The following ZFP64 variants were observed in gnomAD, a reference collection of about 807,000 sequenced individuals.
ZFP64 encodes the protein ZFP64 zinc finger protein.
ZFP64 carries 14 observed loss-of-function variants against 51.6 expected under a neutral mutation model. The observed-to-expected ratio is 0.27, with a 90% CI of 0.18 to 0.42. ZFP64 has a LOEUF of 0.42. ZFP64 is among the 10% of genes least tolerant of loss of function. The pLI is 1.00. For missense variants in ZFP64, 754 were observed against 906.8 expected, an observed-to-expected ratio of 0.83 and a Z score of 2.16; for synonymous variants, 375 against 361.4, an observed-to-expected ratio of 1.04 and a Z score of -0.43.
Position 52,183,751 on chromosome 20 carries a change from A to T in ZFP64, c.286+3081T>A, listed in dbSNP as rs558772226. Among the ~76,000 whole-genome samples, 5 of 152,340 alleles carry T rather than the reference A, an allele frequency of 3.3e-5. No homozygotes were observed. The South Asian group carries it at 1.0e-3, about 32-fold the overall frequency. On this transcript the variant is annotated intron_variant, in intron 2 of 5. Transcript: ENST00000216923. The stretch of plus-strand genomic sequence containing the variant: ...GTCTACTGTTTAAAAAACTCAGTAG[A>T]AACATTATTTTGGATGCATTAAGAA...
At chr20:52,092,988 T>C (rs1288448529) in intron 7 of ZFP64, among the ~76,000 whole-genome samples, 1 of 152,208 alleles carries the variant, frequency 6.6e-6, no homozygotes, top group Non-Finnish European at 1.5e-5. Flanking sequence ...TATGCTTCCC[T>C]GTCCCAATAG....
intron 1 of ZFP64, among the ~76,000 whole-genome samples, chr20:52,188,322 T>TC (rs1984123738): frequency 7.0e-6 from 1 of 142,364 alleles, no homozygotes; most frequent in African/African-American, 2.6e-5. Flanking sequence ...TTTTTTTTTT[T>TC]TTTTTTTTTT....
chr20:52,187,774 C>G (rs1049751891), intron 1 of ZFP64, among the ~76,000 whole-genome samples: 1 of 151,972 alleles, frequency 6.6e-6, no homozygotes, highest in Admixed American at 6.6e-5. Context: ...TGCATTGTTA[C>G]CCATGGGGCA....
chr20:52,152,732 C>A lies in ZFP64; in HGVS notation c.1460G>T (p.Ser487Ile). Residue 487 changes from serine to isoleucine, a missense_variant, in exon 6 of 6, where the codon AGC becomes ATC. This residue lies in a region of ZFP64 where 428 missense variants were observed against 472.4 expected (regional missense o/e 0.91). Transcript: ENST00000216923. ...VGHLQVPLQP[S>I]QVPQFSEGRV... ...TCCCTCGCTGAACTGGGGCACTTGGCTGGGCTGGAGGGGCACCTGGAGGTG... is the reference window on the plus strand; with the variant it reads ...TCCCTCGCTGAACTGGGGCACTTGGATGGGCTGGAGGGGCACCTGGAGGTG... 6.3e-7 allele frequency: 1 copy of A among 1,575,298 alleles called. No individual in the cohort carries two copies. The highest frequency in any genetic ancestry group is 8.6e-7 in the Non-Finnish European group (1 of 1,158,860).
Position 52,151,747 on chromosome 20 carries a change from T to A in ZFP64, c.*399A>T. 9.8e-7 allele frequency: 1 copy of A among 1,019,396 alleles called. No homozygotes were observed. Among genetic ancestry groups the A allele is most frequent in the South Asian group, 4.0e-5 (1 of 24,840 alleles). The allele number at this position is 1,019,396 out of a possible 1,614,324, so 63.1% of individuals were successfully genotyped here. On this transcript the variant is annotated 3_prime_UTR_variant, in exon 6 of 6. Coordinates refer to ENST00000216923, the MANE Select transcript of ZFP64 (RefSeq NM_018197.3). ...GGCCAGGGGGATTCACAACCATCCT[T>A]AAAAACATTAAGAGCAAACCACGGC...
At chr20:52,095,568 A>G (rs2078979521) in intron 7 of ZFP64, among the ~76,000 whole-genome samples, 2 of 152,160 alleles carry the variant, frequency 1.3e-5, no homozygotes, top group Admixed American at 6.5e-5. Flanking sequence ...CCTACTTTCC[A>G]TTAGTTAAAT....
chr20:52,124,280 A>T (rs1433108402), intron 5 of ZFP64, among the ~76,000 whole-genome samples: 1 of 152,096 alleles, frequency 6.6e-6, no homozygotes, highest in Non-Finnish European at 1.5e-5. Flanking sequence ...ACAAAAAAAT[A>T]AGCATGTGTC....
chr20:52,179,387 T>C (rs544202824), intron 2 of ZFP64, among the ~76,000 whole-genome samples: 1 of 152,336 alleles, frequency 6.6e-6, no homozygotes, highest in South Asian at 2.1e-4. Flanking sequence ...GCACATGCCA[T>C]ACACACCATG....
At chr20:52,130,857 C>T (rs558874265) in intron 5 of ZFP64, among the ~76,000 whole-genome samples, 6 of 152,088 alleles carry the variant, frequency 3.9e-5, no homozygotes, top group East Asian at 3.9e-4. Context: ...GGGTAGATCA[C>T]GAGCTCAGGA....
chr20:52,099,856 A>G (rs1171504372), intron 5 of ZFP64, among the ~76,000 whole-genome samples: 4 of 152,258 alleles, frequency 2.6e-5, no homozygotes, highest in African/African-American at 9.6e-5. Context: ...TTTGTTAGCC[A>G]AAACGGTCAA....
Position 52,085,267 on chromosome 20 carries a change from C to G in ZFP64, c.1229-1G>C, listed in dbSNP as rs1436524193. The stretch of plus-strand genomic sequence containing the variant: ...AGCCAGCACTGGAAGGGGGTATCCC[C>G]TAGCAATGGAAGGTGTGTTTCCATT... On this transcript the variant is annotated splice_acceptor_variant, in intron 8 of 8. Transcript: ENST00000361387. LOFTEE classifies it high-confidence loss of function. The surrounding 1 kb of genome is among the most constrained non-coding windows in gnomAD (Gnocchi z 4.3). The G allele has an allele frequency of 5.6e-6, 9 of 1,607,038 alleles. No individual in the cohort carries two copies. Among genetic ancestry groups the G allele is most frequent in the Non-Finnish European group, 7.7e-6 (9 of 1,175,768 alleles).
rs1378924461 is a variant in ZFP64, at chr20:52,144,397, G to T, written c.763+15726C>A. On this transcript the variant is annotated intron_variant, in intron 5 of 8. Coordinates refer to the ZFP64 transcript ENST00000361387. ...GATCAAGACTATCCTGGTCAACATG[G>T]TGAAACCCCGTCTCTACAAAATATA... Among the ~76,000 whole-genome samples, 2 of 146,554 alleles carry T rather than the reference G, an allele frequency of 1.4e-5. 1 individual carries two copies. The highest frequency in any genetic ancestry group is 1.4e-4 in the Admixed American group (2 of 14,386).
intron 5 of ZFP64, among the ~76,000 whole-genome samples, chr20:52,107,167 G>C (rs987931834): frequency 6.6e-6 from 1 of 152,168 alleles, no homozygotes; most frequent in Non-Finnish European, 1.5e-5. Context: ...AACAGTGGTT[G>C]CCTCTGGGGA....
rs1174778278 is a variant in ZFP64, at chr20:52,152,178, A to G, written c.2014T>C (p.Leu672=). ...SIIQGAAHPA[L]LCPADSIPD is the part of the protein sequence containing the mutation. Reference sequence around the variant, plus strand: ...GGAATGGAGTCGGCGGGACAGAGCAAAGCTGGATGGGCTGCCCCTTGAATG... The same window carrying G: ...GGAATGGAGTCGGCGGGACAGAGCAGAGCTGGATGGGCTGCCCCTTGAATG... Residue 672 remains leucine, a synonymous_variant, in exon 6 of 6, where the codon TTG becomes CTG. Coordinates refer to ENST00000216923, the MANE Select transcript of ZFP64 (RefSeq NM_018197.3). 4 of 1,614,126 alleles carry G rather than the reference A, an allele frequency of 2.5e-6. No homozygotes were observed. The highest frequency in any genetic ancestry group is 3.4e-6 in the Non-Finnish European group (4 of 1,180,018).
chr20:52,094,689 C>T (rs2078966558), intron 7 of ZFP64, among the ~76,000 whole-genome samples: 1 of 152,142 alleles, frequency 6.6e-6, no homozygotes, highest in Non-Finnish European at 1.5e-5. Context: ...AACCTGATTG[C>T]ACTACTGCAT....
At chr20:52,136,539 C>T (rs1250755552) in intron 5 of ZFP64, among the ~76,000 whole-genome samples, 2 of 152,052 alleles carry the variant, frequency 1.3e-5, no homozygotes, top group East Asian at 1.9e-4. Context: ...TCAGAGTTTA[C>T]ATCAATAAAA....
exon 9 of ZFP64, chr20:52,084,768 G>A (rs1007404483): frequency 2.5e-6 from 4 of 1,614,108 alleles, no homozygotes; most frequent in Non-Finnish European, 1.7e-6. Flanking sequence ...GGCCCTCTGC[G>A]TCACGATCTT....
chr20:52,159,052 A>T (rs1251202382), intron 5 of ZFP64, among the ~76,000 whole-genome samples: 1 of 152,226 alleles, frequency 6.6e-6, no homozygotes, highest in Admixed American at 6.5e-5. Context: ...GCCCATGGCC[A>T]GCAGATCCCC....
At chr20:52,166,114 G>A in intron 2 of ZFP64, 89 bp from the exon 3 acceptor site, 1 of 1,358,434 alleles carries the variant, frequency 7.4e-7, no homozygotes, top group Non-Finnish European at 9.8e-7. Context: ...GAGAATGCAT[G>A]TACTAGTTTG....
Sources: allele counts gnomAD v4.1 joint callset (sites outside exome capture counted in the v4.1 genomes callset), GRCh38; gene constraint gnomAD v4.1.1; regional missense constraint gnomAD v4.1.1; non-coding constraint Gnocchi (gnomAD v3.1); transcripts MANE v1.5; gene names NCBI Gene and HGNC (gene_info 2026-07-23, HGNC 2026-07-21).